STYK1: variants seen among roughly 807,000 people sequenced by gnomAD.
The protein encoded by STYK1 is tyrosine-protein kinase STYK1.
Under a neutral mutation model 48.1 loss-of-function variants are expected in STYK1, and 46 were observed. That is an observed-to-expected ratio of 0.96 (90% CI 0.75 to 1.22). STYK1 has a LOEUF of 1.22. Ranked by LOEUF, STYK1 falls within the 50% of genes most tolerant of loss-of-function variation. STYK1 has a pLI of 0.00. For synonymous variants in STYK1, 188 were observed against 189.0 expected, an observed-to-expected ratio of 0.99 and a Z score of 0.04; for missense variants, 527 against 521.1, an observed-to-expected ratio of 1.01 and a Z score of -0.11.
rs990734293 is a variant in STYK1, at chr12:10,634,552, G to A, written c.52+15C>T. 3 of 1,613,234 alleles carry A rather than the reference G, an allele frequency of 1.9e-6. No homozygotes were observed. The highest frequency in any genetic ancestry group is 3.3e-5 in the Admixed American group (2 of 60,008). ...CTAAAATCAGAGGATAGACATCTGT[G>A]GAATCCGTACTTACCACACAACTTG... On this transcript the variant is annotated intron_variant, in intron 3 of 10. Coordinates refer to ENST00000075503, the MANE Select transcript of STYK1 (RefSeq NM_018423.3).
At chr12:10,640,199 C>T (rs1303989738) in intron 1 of STYK1, among the ~76,000 whole-genome samples, 1 of 152,120 alleles carries the variant, frequency 6.6e-6, no homozygotes, top group Non-Finnish European at 1.5e-5. Flanking sequence ...TCACTGTGAG[C>T]ATGAGGGTCA....
At chr12:10,671,609 C>T (rs1947892832) in intron 1 of STYK1, among the ~76,000 whole-genome samples, 1 of 152,164 alleles carries the variant, frequency 6.6e-6, no homozygotes, top group South Asian at 2.1e-4. Flanking sequence ...CATTTGGAAA[C>T]CTGCCCATCC....
Position 10,620,139 on chromosome 12 carries a change from A to G in STYK1, c.*5T>C. 2.5e-6 allele frequency: 4 copies of G among 1,614,080 alleles called. No individual in the cohort carries two copies. Among genetic ancestry groups the G allele is most frequent in the Non-Finnish European group, 3.4e-6 (4 of 1,180,002 alleles). ...CATGCATGAATGTTTCTTGCCCGAG[A>G]CTCTTCAAAGCATGCTATAGTTGTA... On this transcript the variant is annotated 3_prime_UTR_variant, in exon 11 of 11. Transcript: ENST00000075503.
chr12:10,646,900 G>C (rs1947605922), intron 1 of STYK1, among the ~76,000 whole-genome samples: 1 of 152,240 alleles, frequency 6.6e-6, no homozygotes, highest in African/African-American at 2.4e-5. Context: ...AGCCTTGGCA[G>C]CTTCCATGTG....
chr12:10,665,261 T>C (rs7968284), intron 1 of STYK1, among the ~76,000 whole-genome samples: 98,974 of 152,094 alleles, frequency 0.65, 32,548 homozygotes, highest in African/African-American at 0.74. Flanking sequence ...AAACAAAAAA[T>C]GTAAGAACAG....
At chr12:10,654,154 C>T (rs753753201) in intron 1 of STYK1, among the ~76,000 whole-genome samples, 1 of 152,144 alleles carries the variant, frequency 6.6e-6, no homozygotes, top group Non-Finnish European at 1.5e-5. Context: ...TTACAAATGC[C>T]ACAGAAACAT....
intron 1 of STYK1, among the ~76,000 whole-genome samples, chr12:10,651,294 T>G (rs1198819852): frequency 2.0e-5 from 3 of 152,216 alleles, no homozygotes; most frequent in Non-Finnish European, 4.4e-5. Flanking sequence ...TTCAGACTCC[T>G]AGGTTTCAGC....
At chr12:10,653,437 T>A (rs1277146135) in intron 1 of STYK1, among the ~76,000 whole-genome samples, 1 of 152,152 alleles carries the variant, frequency 6.6e-6, no homozygotes, top group Non-Finnish European at 1.5e-5. Context: ...TTATGATTAT[T>A]TATTGATACC....
At chr12:10,622,805 T>A in intron 8 of STYK1, 127 bp from the exon 9 acceptor site, 2 of 1,095,538 alleles carry the variant, frequency 1.8e-6, no homozygotes, top group Non-Finnish European at 2.6e-6. Flanking sequence ...CAAGGATGAG[T>A]GTCTGAAAAA....
At position 10,667,511 on chromosome 12, in the gene STYK1, T is replaced by TCCC. The variant is rs1406363084; in HGVS notation, c.-195+6452_-195+6454dup. The TCCC allele has an allele frequency of 9.8e-3, 1,487 of 151,852 alleles. 17 individuals carry two copies. The highest frequency in any genetic ancestry group is 0.033 in the South Asian group (158 of 4,806). The allele number at this position is 151,852 out of a possible 1,614,324, so 9.4% of individuals were successfully genotyped here. ...TGGACGTGGTGGTGCATGCCTCTAG[T>TCCC]CCCAGCTACTGGGGAGGTTGAGATG... On this transcript the variant is annotated intron_variant, in intron 1 of 10. Transcript: ENST00000075503.
chr12:10,627,857 G>T (rs1378693216), intron 6 of STYK1, 133 bp from the exon 7 acceptor site: 4 of 651,010 alleles, frequency 6.1e-6, no homozygotes, highest in Non-Finnish European at 7.4e-6. Context: ...AGTGTTCAAA[G>T]TGAGGCTGTG....
intron 1 of STYK1, among the ~76,000 whole-genome samples, chr12:10,647,626 T>C (rs1947614899): frequency 6.6e-6 from 1 of 152,182 alleles, no homozygotes; most frequent in Non-Finnish European, 1.5e-5. Flanking sequence ...ATATTGGTTT[T>C]GAAATGTGAA....
chr12:10,648,325 CA>C (rs1318995505), intron 1 of STYK1, among the ~76,000 whole-genome samples: 1 of 151,420 alleles, frequency 6.6e-6, no homozygotes, highest in Non-Finnish European at 1.5e-5. Flanking sequence ...TAAGCTTAAA[CA>C]AAAAACTTTC....
intron 1 of STYK1, among the ~76,000 whole-genome samples, chr12:10,647,085 C>T (rs1300097974): frequency 1.3e-5 from 2 of 152,198 alleles, no homozygotes; most frequent in African/African-American, 4.8e-5. Flanking sequence ...GGGTCGAGCC[C>T]CCACACAATG....
intron 1 of STYK1, among the ~76,000 whole-genome samples, chr12:10,654,167 G>C (rs1196212554): frequency 6.6e-6 from 1 of 152,158 alleles, no homozygotes; most frequent in South Asian, 2.1e-4. Flanking sequence ...AGAAACATCT[G>C]TAAGTTACCC....
intron 1 of STYK1, among the ~76,000 whole-genome samples, chr12:10,670,120 T>C (rs973965182): frequency 6.6e-6 from 1 of 152,180 alleles, no homozygotes; most frequent in African/African-American, 2.4e-5. Flanking sequence ...AATCCCACTA[T>C]TCGGTATACA....
chr12:10,641,091 T>C (rs1947538150), intron 1 of STYK1, among the ~76,000 whole-genome samples: 1 of 152,198 alleles, frequency 6.6e-6, no homozygotes, highest in African/African-American at 2.4e-5. Context: ...GATTACGTTC[T>C]CTTCCTGAGA....
At chr12:10,650,119 C>CAAAAAAAAA (rs71051518) in intron 1 of STYK1, among the ~76,000 whole-genome samples, 8 of 51,312 alleles carry the variant, frequency 1.6e-4, no homozygotes, top group Non-Finnish European at 2.7e-4. Context: ...GACTCTGTCT[C>CAAAAAAAAA]AAAAAAAAAA....
At chr12:10,651,869 C>T (rs888482222) in intron 1 of STYK1, among the ~76,000 whole-genome samples, 19 of 151,476 alleles carry the variant, frequency 1.3e-4, no homozygotes, top group Non-Finnish European at 2.4e-4. Context: ...TTGTTCTATT[C>T]TTTTTTTTTG....
Sources: gnomAD v4.1 joint callset for allele counts (sites outside exome capture counted in the v4.1 genomes callset) on GRCh38, gnomAD v4.1.1 for gene constraint, MANE v1.5 for transcripts, NCBI Gene and HGNC (gene_info 2026-07-23, HGNC 2026-07-21) for gene names.